The following RIGI variants were observed in gnomAD, a reference collection of about 807,000 sequenced individuals.
RIGI encodes RNA sensor RIG-I.
chr9:32,514,410 T>A, the RIGI span, among the ~76,000 whole-genome samples: 6 of 151,968 alleles, frequency 3.9e-5, no homozygotes, highest in Non-Finnish European at 8.8e-5. Flanking sequence ...AAAGAATGAG[T>A]TCATGTCCTT....
the RIGI span, among the ~76,000 whole-genome samples, chr9:32,470,940 T>C: frequency 6.6e-5 from 10 of 152,356 alleles, no homozygotes; most frequent in African/African-American, 2.2e-4. Context: ...CAGTGGTCTC[T>C]ACCTCAGGGT....
the RIGI span, among the ~76,000 whole-genome samples, chr9:32,482,031 A>T: frequency 1.1e-3 from 166 of 152,318 alleles, no homozygotes; most frequent in South Asian, 0.033. Context: ...ATAGAAACTC[A>T]TGTGACTCCA....
the RIGI span, among the ~76,000 whole-genome samples, chr9:32,471,684 T>C: frequency 3.9e-5 from 6 of 152,208 alleles, no homozygotes; most frequent in African/African-American, 1.2e-4. Flanking sequence ...ATAAATGTTG[T>C]TGAATGAACG....
the RIGI span, among the ~76,000 whole-genome samples, chr9:32,476,527 C>T: frequency 2.0e-5 from 3 of 151,792 alleles, no homozygotes; most frequent in African/African-American, 7.3e-5. Flanking sequence ...AAAAAAACAA[C>T]ACAGTGAGGC....
At chr9:32,514,442 G>A in the RIGI span, among the ~76,000 whole-genome samples, 20,760 of 152,152 alleles carry the variant, frequency 0.14, 1,429 homozygotes, top group Middle Eastern at 0.3. Context: ...GGATGAAGCT[G>A]GAAACCATCA....
chr9:32,508,560 C>T, the RIGI span, among the ~76,000 whole-genome samples: 1 of 152,012 alleles, frequency 6.6e-6, no homozygotes, highest in African/African-American at 2.4e-5. Flanking sequence ...GAACAGTGCA[C>T]CCTGGCCCAG....
chr9:32,502,836 G>C, the RIGI span, among the ~76,000 whole-genome samples: 1 of 152,260 alleles, frequency 6.6e-6, no homozygotes, highest in East Asian at 1.9e-4. Context: ...CATTCTCGTT[G>C]TCTCTATGTC....
chr9:32,509,919 G>C, the RIGI span, among the ~76,000 whole-genome samples: 1 of 151,812 alleles, frequency 6.6e-6, no homozygotes, highest in African/African-American at 2.4e-5. Context: ...AAAAAACACA[G>C]CACGAGAACT....
chr9:32,493,982 A>G, the RIGI span: 43 of 1,436,766 alleles, frequency 3.0e-5, no homozygotes, highest in East Asian at 9.8e-4. Context: ...TTATGAAACC[A>G]ACTGAAAAAT....
the RIGI span, chr9:32,487,578 G>T: frequency 6.2e-7 from 1 of 1,614,146 alleles, no homozygotes; most frequent in Non-Finnish European, 8.5e-7. Context: ...ATAATCCAAG[G>T]CTTCATCTGT....
chr9:32,487,556 C>A, the RIGI span: 4 of 1,614,066 alleles, frequency 2.5e-6, no homozygotes, highest in African/African-American at 2.7e-5. Flanking sequence ...GAGAAGCACA[C>A]AGCTTGCAGA....
At chr9:32,494,620 A>C in the RIGI span, among the ~76,000 whole-genome samples, 3,034 of 152,264 alleles carry the variant, frequency 0.02, 103 homozygotes, top group African/African-American at 0.065. Context: ...TGTTATAAAA[A>C]AAAAATCCAG....
chr9:32,457,478 T>C, the RIGI span: 1 of 1,228,752 alleles, frequency 8.1e-7, no homozygotes, highest in East Asian at 2.6e-5. Flanking sequence ...TACATAATTG[T>C]GATTTAAAAA....
At chr9:32,485,244 A>T in the RIGI span, 174 of 1,605,388 alleles carry the variant, frequency 1.1e-4, no homozygotes, top group Admixed American at 1.4e-4. Flanking sequence ...ATGTATTTAA[A>T]TTTGTCGCTA....
At chr9:32,493,622 CA>C in the RIGI span, 27,145 of 453,774 alleles carry the variant, frequency 0.06, no homozygotes, top group East Asian at 0.097. Context: ...GACTCCGTCT[CA>C]AAAAAAAAAA....
At chr9:32,493,108 GC>G in the RIGI span, among the ~76,000 whole-genome samples, 1 of 152,096 alleles carries the variant, frequency 6.6e-6, no homozygotes, top group African/African-American at 2.4e-5. Flanking sequence ...TAAGTAACTT[GC>G]CCAAGATCAT....
At chr9:32,478,892 T>C in the RIGI span, among the ~76,000 whole-genome samples, 3 of 152,152 alleles carry the variant, frequency 2.0e-5, no homozygotes, top group Non-Finnish European at 2.9e-5. Flanking sequence ...CTTATGAACA[T>C]GATCAAAAAA....
chr9:32,482,854 A>T, the RIGI span, among the ~76,000 whole-genome samples: 2 of 137,600 alleles, frequency 1.5e-5, no homozygotes, highest in African/African-American at 2.6e-5. Flanking sequence ...TGAGACTCTT[A>T]AAAAAAAAAA....
chr9:32,510,447 G>A, the RIGI span, among the ~76,000 whole-genome samples: 1 of 152,150 alleles, frequency 6.6e-6, no homozygotes, highest in East Asian at 1.9e-4. Flanking sequence ...CATTCTTAAA[G>A]ACAAGAATTT....
Sources: gnomAD v4.1 joint callset for allele counts (sites outside exome capture counted in the v4.1 genomes callset) on GRCh38, gnomAD v4.1.1 for gene constraint, MANE v1.5 for transcripts, NCBI Gene and HGNC (gene_info 2026-07-23, HGNC 2026-07-21) for gene names.